Variants in ENOX2 observed in about 807,000 individuals in gnomAD.
ENOX2 encodes ecto-NOX disulfide-thiol exchanger 2.
In ENOX2, 36 loss-of-function variants were observed where a neutral mutation model predicts 45.0. The observed-to-expected ratio is 0.80, with a 90% CI of 0.61 to 1.06. The LOEUF is 1.06. Among genes scored for constraint, ENOX2 ranks in the 50% least tolerant of loss-of-function variants. The pLI is 0.00. For synonymous variants in ENOX2, 174 were observed against 152.3 expected, an observed-to-expected ratio of 1.14 and a Z score of -1.05; for missense variants, 423 against 462.5, an observed-to-expected ratio of 0.91 and a Z score of 0.78.
At position 130,679,541 on chromosome X, in the gene ENOX2, C is replaced by A; in HGVS notation, c.460+1G>T. On this transcript the variant is annotated splice_donor_variant, in intron 6 of 14. Coordinates refer to ENST00000394363, the MANE Select transcript of ENOX2 (RefSeq NM_006375.4). LOFTEE classifies it high-confidence loss of function. The stretch of plus-strand genomic sequence containing the variant: ...CACAATCCTCACATCTAAACACCTA[C>A]CAGACAGATACAGGGCTTTGTCCAC... The A allele has an allele frequency of 6.7e-6, 8 of 1,199,662 alleles. No homozygotes were observed. The highest frequency in any genetic ancestry group is 9.0e-6 in the Non-Finnish European group (8 of 884,485).
chrX:130,641,167 C>T (rs1193429423), intron 10 of ENOX2, among the ~76,000 whole-genome samples: 2 of 111,652 alleles, frequency 1.8e-5, no homozygotes, highest in African/African-American at 6.5e-5. Context: ...TCAGCCTACG[C>T]ATATCATATT....
At chrX:130,869,084 C>T (rs998706606) in intron 2 of ENOX2, among the ~76,000 whole-genome samples, 3 of 111,551 alleles carry the variant, frequency 2.7e-5, no homozygotes, top group African/African-American at 9.8e-5. Context: ...AGTTGCCAGT[C>T]TGTGACATCT....
intron 10 of ENOX2, among the ~76,000 whole-genome samples, chrX:130,649,884 A>C (rs1160448695): frequency 8.9e-6 from 1 of 112,121 alleles, no homozygotes; most frequent in East Asian, 2.8e-4. Context: ...AAGGCATATT[A>C]ACTATCTGCC....
At chrX:130,708,277 G>A (rs1436152033) in intron 3 of ENOX2, among the ~76,000 whole-genome samples, 2 of 111,789 alleles carry the variant, frequency 1.8e-5, no homozygotes, top group African/African-American at 3.3e-5. Context: ...AATAGTTATG[G>A]TAAACGATGA....
intron 2 of ENOX2, among the ~76,000 whole-genome samples, chrX:130,875,797 CTG>C (rs1242878287): frequency 8.9e-6 from 1 of 111,923 alleles, no homozygotes; most frequent in African/African-American, 3.2e-5. Flanking sequence ...AAAAAGATAA[CTG>C]TGCTTTATCA....
At chrX:130,824,701 A>G (rs1482419041) in intron 2 of ENOX2, among the ~76,000 whole-genome samples, 1 of 111,816 alleles carries the variant, frequency 8.9e-6, no homozygotes, top group Non-Finnish European at 1.9e-5. Flanking sequence ...TAACAACCAA[A>G]TAGAATAACG....
rs1299751285 is a variant in ENOX2 at position 130,723,186 on chromosome X, A to C, written c.-38-19932T>G. On this transcript the variant is annotated intron_variant, in intron 3 of 14. Transcript: ENST00000394363. ...GAAAGCTAATGGATACCAATGAATC[A>C]GGAGGGATGCATTTTACTCGAAGTG... Among the ~76,000 whole-genome samples the C allele has an allele frequency of 4.5e-5, 5 of 112,356 alleles. No individual in the cohort carries two copies. The Admixed American group carries it at 4.7e-4, about 11-fold the overall frequency.
chrX:130,857,005 T>C (rs767518773), intron 2 of ENOX2, among the ~76,000 whole-genome samples: 1 of 112,050 alleles, frequency 8.9e-6, no homozygotes, highest in Non-Finnish European at 1.9e-5. Context: ...TAAGGGCTTA[T>C]ATGTTCATAG....
chrX:130,761,190 A>G (rs1212346644), intron 3 of ENOX2, among the ~76,000 whole-genome samples: 1 of 111,692 alleles, frequency 9.0e-6, no homozygotes, highest in Non-Finnish European at 1.9e-5. Context: ...CATAGAATCA[A>G]TTGGAACTTG....
intron 3 of ENOX2, among the ~76,000 whole-genome samples, chrX:130,731,020 T>A (rs1481871921): frequency 9.0e-6 from 1 of 110,596 alleles, no homozygotes; most frequent in Non-Finnish European, 1.9e-5. Flanking sequence ...CAGGTTAAAT[T>A]TTAGGGTGCC....
At chrX:130,731,634 C>T (rs1368060858) in intron 3 of ENOX2, among the ~76,000 whole-genome samples, 1 of 110,186 alleles carries the variant, frequency 9.1e-6, no homozygotes, top group Non-Finnish European at 1.9e-5. Context: ...CCAAATTCAA[C>T]GGAATTCTAT....
chrX:130,625,385 T>A lies in ENOX2; in HGVS notation c.1675A>T (p.Met559Leu). Residue 559 changes from methionine to leucine, a missense_variant, in exon 15 of 15, where the codon ATG becomes TTG. This residue lies in a region of ENOX2 where 34 missense variants were observed against 31.3 expected (regional missense o/e 1.09). Transcript: ENST00000394363. ...TCCAGGCTGGCTCCAACTCCAGTCA[T>A]TTCCTGCTTGAAGGTATGCTGGAGT... is the stretch of plus-strand genomic sequence containing the variant. Reference protein sequence around the residue: ...GRLQHTFKQEMTGVGASLEKR... With the variant: ...GRLQHTFKQELTGVGASLEKR... The A allele has an allele frequency of 1.7e-6, 2 of 1,210,614 alleles. No homozygotes were observed. Among genetic ancestry groups the A allele is most frequent in the Non-Finnish European group, 2.2e-6 (2 of 894,449 alleles).
chrX:130,848,145 T>A (rs759630570), intron 2 of ENOX2, among the ~76,000 whole-genome samples: 1 of 112,028 alleles, frequency 8.9e-6, no homozygotes, highest in African/African-American at 3.2e-5. Flanking sequence ...AACTGTACAA[T>A]AAATATGATT....
At chrX:130,860,677 C>T (rs1423614267) in intron 2 of ENOX2, among the ~76,000 whole-genome samples, 2 of 111,423 alleles carry the variant, frequency 1.8e-5, no homozygotes, top group African/African-American at 6.5e-5. Flanking sequence ...CCACTCCTTT[C>T]CATTGAACAG....
At chrX:130,730,323 A>T (rs2038707167) in intron 3 of ENOX2, among the ~76,000 whole-genome samples, 1 of 112,575 alleles carries the variant, frequency 8.9e-6, no homozygotes. Context: ...AAGAATAAGA[A>T]GACCATTGAT....
rs779062479 is a variant in ENOX2, at chrX:130,864,362, C to T, written c.-183+37322G>A. Among the ~76,000 whole-genome samples the T allele has an allele frequency of 4.9e-4, 54 of 110,820 alleles. 1 individual carries two copies. The highest frequency in any genetic ancestry group is 3.7e-3 in the Admixed American group (38 of 10,392). On this transcript the variant is annotated intron_variant, in intron 2 of 14. Transcript: ENST00000394363. ...CCACCCGAGCTTGAAAGTGGATCCT[C>T]TCCCCAGTTCAGTCAAGCCTTCGGA...
intron 3 of ENOX2, among the ~76,000 whole-genome samples, chrX:130,748,471 T>G (rs1002132895): frequency 8.9e-6 from 1 of 111,901 alleles, no homozygotes; most frequent in African/African-American, 3.2e-5. Context: ...AGTCTACTCT[T>G]TTTACTAAAT....
intron 5 of ENOX2, among the ~76,000 whole-genome samples, chrX:130,680,045 T>C (rs992446924): frequency 1.8e-5 from 2 of 112,349 alleles, no homozygotes; most frequent in Non-Finnish European, 3.8e-5. Flanking sequence ...AATCCAGCTA[T>C]GCCAAATTTT....
chrX:130,768,656 C>T (rs2039670867), intron 3 of ENOX2, among the ~76,000 whole-genome samples: 1 of 111,900 alleles, frequency 8.9e-6, no homozygotes, highest in Admixed American at 9.5e-5. Flanking sequence ...TGAGTGGCCA[C>T]AGAAAACTGA....
Sources: allele counts gnomAD v4.1 joint callset (sites outside exome capture counted in the v4.1 genomes callset), GRCh38; gene constraint gnomAD v4.1.1; regional missense constraint gnomAD v4.1.1; transcripts MANE v1.5; gene names NCBI Gene and HGNC (gene_info 2026-07-23, HGNC 2026-07-21).